Variants in ARHGAP21 observed in about 807,000 individuals in gnomAD.
ARHGAP21 encodes rho GTPase-activating protein 21.
ARHGAP21 carries 38 observed loss-of-function variants against 164.6 expected under a neutral mutation model. The observed-to-expected ratio is 0.23, with a 90% CI of 0.18 to 0.30. The LOEUF (loss-of-function observed/expected upper bound fraction) is 0.30. Ranked by LOEUF, ARHGAP21 falls within the 10% of genes least tolerant of loss-of-function variation. The pLI is 1.00. For missense variants in ARHGAP21, 1,822 were observed against 2,370.7 expected (o/e 0.77, Z 4.81); for synonymous variants, 766 against 857.9 (o/e 0.89, Z 1.87).
chr10:24,671,092 C>T (rs1209834595), intron 2 of ARHGAP21, among the ~76,000 whole-genome samples: 1 of 152,098 alleles, frequency 6.6e-6, no homozygotes, highest in Non-Finnish European at 1.5e-5. Flanking sequence ...GACTCTACCA[C>T]CCTTTCCCTG....
At chr10:24,709,757 A>C (rs1844588999) in intron 2 of ARHGAP21, among the ~76,000 whole-genome samples, 1 of 150,304 alleles carries the variant, frequency 6.7e-6, no homozygotes, top group Non-Finnish European at 1.5e-5. Flanking sequence ...AAAAAAAACA[A>C]TCCAGACAAG....
At chr10:24,604,659 C>T (rs1011513690) in intron 11 of ARHGAP21, among the ~76,000 whole-genome samples, 5 of 152,028 alleles carry the variant, frequency 3.3e-5, no homozygotes, top group Non-Finnish European at 5.9e-5. Context: ...TATTAGTTAA[C>T]TGTAGCTGCA....
In ARHGAP21 at chr10:24,652,695, C is replaced by T. The variant is rs538084154; in HGVS notation, c.268+14290G>A. On this transcript the variant is annotated intron_variant, in intron 4 of 25. Coordinates refer to ENST00000396432, the MANE Select transcript of ARHGAP21 (RefSeq NM_020824.4). The stretch of plus-strand genomic sequence containing the variant: ...CAACCTCATTAGTCTTCAGGAAATC[C>T]AAATTAAAGCCATAGTCCACACCAC... Among the ~76,000 whole-genome samples the T allele has an allele frequency of 2.4e-4, 37 of 152,178 alleles. No individual in the cohort carries two copies. The South Asian group carries it at 6.2e-3, about 26-fold the overall frequency.
intron 2 of ARHGAP21, among the ~76,000 whole-genome samples, chr10:24,711,530 G>A (rs1030610188): frequency 2.6e-5 from 4 of 152,056 alleles, no homozygotes; most frequent in African/African-American, 7.2e-5. Flanking sequence ...TAATATTCAC[G>A]TAACTATCTT....
chr10:24,609,943 T>C (rs2077182638), intron 9 of ARHGAP21, among the ~76,000 whole-genome samples: 1 of 152,216 alleles, frequency 6.6e-6, no homozygotes, highest in Admixed American at 6.5e-5. Context: ...AAATCAATCA[T>C]CTTTATCCTA....
intron 8 of ARHGAP21, among the ~76,000 whole-genome samples, chr10:24,622,118 A>C (rs1834598984): frequency 6.6e-6 from 1 of 152,152 alleles, no homozygotes; most frequent in Non-Finnish European, 1.5e-5. Flanking sequence ...CTCTATTACT[A>C]ACAGGCAGGC....
In ARHGAP21 at chr10:24,703,444, T is replaced by C. The variant is rs147662092; in HGVS notation, c.63+18393A>G. Among the ~76,000 whole-genome samples the C allele has an allele frequency of 1.4e-3, 208 of 152,288 alleles. 2 individuals carry two copies. The highest frequency in any genetic ancestry group is 4.2e-3 in the African/African-American group (175 of 41,542). ...TTAAACTTCACAACAATCCCTGATG[T>C]TGGTACTGTCAGAGAGGAGAAGGCA... is the stretch of plus-strand genomic sequence containing the variant. On this transcript the variant is annotated intron_variant, in intron 2 of 25. Transcript: ENST00000396432.
chr10:24,607,811 C>T lies in ARHGAP21; in HGVS notation c.2515G>A (p.Ala839Thr). 2 of 1,614,054 alleles carry T rather than the reference C, an allele frequency of 1.2e-6. No individual in the cohort carries two copies. The highest frequency in any genetic ancestry group is 1.7e-6 in the Non-Finnish European group (2 of 1,180,008). The change falls in exon 10 of 26, where the codon GCA becomes ACA. Residue 839 changes from alanine (A) to threonine (T), a missense_variant. This residue lies in a region of ARHGAP21 where 1,090 missense variants were observed against 1,378.9 expected (regional missense o/e 0.79). Transcript: ENST00000396432. ...SASTSQVPSI[A>T]TVPPCLTTSA... ...GTTGTGAGGCAAGGAGGAACTGTTG[C>T]TATGGAGGGGACCTGAGAGGTAGAG...
chr10:24,634,963 A>C, intron 5 of ARHGAP21, 48 bp downstream of exon 5: 1 of 1,334,538 alleles, frequency 7.5e-7, no homozygotes, highest in Non-Finnish European at 1.0e-6. Flanking sequence ...GGAAGAAATA[A>C]AGTGAAAAAG....
intron 11 of ARHGAP21, 99 bp downstream of exon 11, chr10:24,607,400 G>A: frequency 1.0e-6 from 1 of 983,648 alleles, no homozygotes; most frequent in South Asian, 1.8e-5. Flanking sequence ...GTCAAAGTTA[G>A]AAAACATAAG....
At chr10:24,721,119 G>A (rs1186657144) in intron 2 of ARHGAP21, among the ~76,000 whole-genome samples, 2 of 152,050 alleles carry the variant, frequency 1.3e-5, no homozygotes, top group Admixed American at 1.3e-4. Context: ...TGGGCCCTTG[G>A]GAAGATGTTA....
At chr10:24,598,657 A>ATG (rs2076684017) in intron 14 of ARHGAP21, among the ~76,000 whole-genome samples, 1 of 152,116 alleles carries the variant, frequency 6.6e-6, no homozygotes, top group African/African-American at 2.4e-5. Flanking sequence ...CCAATTATAC[A>ATG]TTGATATTGA....
intron 9 of ARHGAP21, among the ~76,000 whole-genome samples, chr10:24,616,431 G>C (rs1833956597): frequency 6.6e-6 from 1 of 152,174 alleles, no homozygotes. Context: ...AAATTTCAGG[G>C]AGCTAAGTTC....
rs746955975 is a variant in ARHGAP21 at position 24,607,532 on chromosome 10, T to C, written c.2651A>G (p.Glu884Gly). 10 of 1,613,666 alleles carry C rather than the reference T, an allele frequency of 6.2e-6. No individual in the cohort carries two copies. Among genetic ancestry groups the C allele is most frequent in the Non-Finnish European group, 8.5e-6 (10 of 1,180,012 alleles). ...ATCTTCTCTGTAATCATCCAGACCC[T>C]CATCATATGATTTTGATCTTTCTGT... ...SKTERSKSYD[E>G]GLDDYREDAK... Residue 884 changes from glutamate to glycine, a missense_variant, in exon 11 of 26, where the codon GAG becomes GGG. By Grantham distance (98) the Glu-to-Gly change is moderately conservative. Coordinates refer to ENST00000396432, the MANE Select transcript of ARHGAP21 (RefSeq NM_020824.4).
chr10:24,685,704 C>T lies in ARHGAP21; in HGVS notation c.64-15307G>A, dbSNP rs191007592. ...CAGCCTGGCCAACATGGTAAAACCC[C>T]GTCTCTACTAGAAATACAAAAATTT... On this transcript the variant is annotated intron_variant, in intron 2 of 25. Coordinates refer to ENST00000396432, the MANE Select transcript of ARHGAP21 (RefSeq NM_020824.4). 1.5e-3 allele frequency among the ~76,000 whole-genome samples: 234 copies of T among 152,094 alleles called. 5 individuals carry two copies. In the East Asian group the frequency reaches 0.038, roughly 25 times the overall value.
At chr10:24,608,403 G>A (rs1261349116) in intron 9 of ARHGAP21, among the ~76,000 whole-genome samples, 3 of 152,064 alleles carry the variant, frequency 2.0e-5, no homozygotes, top group Admixed American at 6.6e-5. Context: ...CCAGTCTCTA[G>A]CTTCCAAAAT....
At chr10:24,671,000 T>A (rs1840648548) in intron 2 of ARHGAP21, among the ~76,000 whole-genome samples, 1 of 152,082 alleles carries the variant, frequency 6.6e-6, no homozygotes, top group Non-Finnish European at 1.5e-5. Flanking sequence ...GAATCCCACC[T>A]AGAACCACCA....
intron 25 of ARHGAP21, among the ~76,000 whole-genome samples, chr10:24,588,097 A>T (rs1225732482): frequency 1.3e-5 from 2 of 152,204 alleles, no homozygotes; most frequent in Admixed American, 1.3e-4. Context: ...AATGCAAGGA[A>T]TGATCCTTGA....
At chr10:24,687,825 A>G (rs1340563920) in intron 2 of ARHGAP21, among the ~76,000 whole-genome samples, 1 of 152,208 alleles carries the variant, frequency 6.6e-6, no homozygotes, top group Non-Finnish European at 1.5e-5. Context: ...AATATAGGCT[A>G]CGGAAGAAAA....
Sources: gnomAD v4.1 joint callset for allele counts (sites outside exome capture counted in the v4.1 genomes callset) on GRCh38, gnomAD v4.1.1 for gene constraint, gnomAD v4.1.1 regional missense constraint, MANE v1.5 for transcripts, NCBI Gene and HGNC (gene_info 2026-07-23, HGNC 2026-07-21) for gene names.